Variants in RAPGEF4 observed in about 807,000 individuals in gnomAD.
RAPGEF4 encodes the protein RAP guanine-nucleotide-exchange factor (GEF) 4.
A neutral mutation model predicts 147.9 loss-of-function variants in RAPGEF4; 66 were observed. The observed-to-expected ratio is 0.45, with a 90% CI of 0.37 to 0.55. The LOEUF is 0.55. RAPGEF4 is among the 20% of genes least tolerant of loss of function. The probability of loss-of-function intolerance (pLI) is 0.00; values close to 1 mark genes in which losing one functional copy is unlikely to be tolerated. For missense variants in RAPGEF4, 1,071 were observed against 1,257.3 expected, an observed-to-expected ratio of 0.85 and a Z score of 2.24; for synonymous variants, 419 against 442.7, an observed-to-expected ratio of 0.95 and a Z score of 0.67.
At chr2:172,744,013 G>A (rs1411930100) in intron 1 of RAPGEF4, 2 of 165,254 alleles carry the variant, frequency 1.2e-5, no homozygotes, top group African/African-American at 4.8e-5. Context: ...ATTGATACTT[G>A]TCTAAAGTTG....
At chr2:172,945,544 T>A (rs763207732) in intron 6 of RAPGEF4, among the ~76,000 whole-genome samples, 84 of 152,124 alleles carry the variant, frequency 5.5e-4, no homozygotes, top group Non-Finnish European at 1.1e-3. Context: ...TTTCAATCAA[T>A]ACAGATAAAT....
intron 4 of RAPGEF4, among the ~76,000 whole-genome samples, chr2:172,830,317 G>A (rs907314255): frequency 6.6e-5 from 10 of 152,160 alleles, no homozygotes; most frequent in African/African-American, 1.2e-4. Context: ...ATACTTTGCC[G>A]AAAGAGTATT....
At chr2:172,991,316 C>G (rs988541792) in intron 15 of RAPGEF4, among the ~76,000 whole-genome samples, 2 of 152,226 alleles carry the variant, frequency 1.3e-5, no homozygotes, top group African/African-American at 4.8e-5. Context: ...CAGGATTTCG[C>G]GTGAAGTGTT....
chr2:172,860,207 C>A (rs1256655771), intron 4 of RAPGEF4: 8 of 985,150 alleles, frequency 8.1e-6, no homozygotes, highest in African/African-American at 1.7e-5. Context: ...CCTGAGTAGT[C>A]CCATCAGTGA....
chr2:172,899,484 G>A (rs1451964605), intron 4 of RAPGEF4, among the ~76,000 whole-genome samples: 1 of 152,306 alleles, frequency 6.6e-6, no homozygotes, highest in South Asian at 2.1e-4. Context: ...GTGTCCTTGG[G>A]CCTCAGGGAA....
chr2:172,876,836 C>T (rs541065109), intron 4 of RAPGEF4, among the ~76,000 whole-genome samples: 67 of 152,218 alleles, frequency 4.4e-4, no homozygotes, highest in Non-Finnish European at 6.5e-4. Context: ...ACCAGCTCCT[C>T]CTTGTATGGT....
intron 4 of RAPGEF4, among the ~76,000 whole-genome samples, chr2:172,896,110 C>A (rs552934985): frequency 2.0e-5 from 3 of 152,104 alleles, no homozygotes; most frequent in Non-Finnish European, 4.4e-5. Context: ...CATGAACTGC[C>A]GAACTTCACA....
intron 4 of RAPGEF4, among the ~76,000 whole-genome samples, chr2:172,895,536 ATTG>A (rs1227353584): frequency 6.6e-6 from 1 of 152,150 alleles, no homozygotes; most frequent in African/African-American, 2.4e-5. Context: ...TTCCTTAGTT[ATTG>A]TTCAAGATTT....
At chr2:172,766,304 C>T (rs2149478536) in intron 1 of RAPGEF4, among the ~76,000 whole-genome samples, 1 of 152,172 alleles carries the variant, frequency 6.6e-6, no homozygotes, top group Non-Finnish European at 1.5e-5. Context: ...GTAATGCTGG[C>T]ATTTTGGGAG....
intron 4 of RAPGEF4, among the ~76,000 whole-genome samples, chr2:172,882,561 T>C (rs1696745002): frequency 6.6e-6 from 1 of 152,160 alleles, no homozygotes; most frequent in African/African-American, 2.4e-5. Flanking sequence ...CTGTGTGTTA[T>C]GAGGGAAGCA....
At position 172,810,389 on chromosome 2, in the gene RAPGEF4, C is replaced by T. The variant is rs192603518; in HGVS notation, c.298-3890C>T. ...CTGTTGTGAGGAATAAATGAGGCATCGTCATTGAGACACTTGGCCAGTGTG... is the reference window on the plus strand; with the variant it reads ...CTGTTGTGAGGAATAAATGAGGCATTGTCATTGAGACACTTGGCCAGTGTG... On this transcript the variant is annotated intron_variant, in intron 3 of 30. Coordinates refer to ENST00000397081, the MANE Select transcript of RAPGEF4 (RefSeq NM_007023.4). Among the ~76,000 whole-genome samples, 23 of 152,320 alleles carry T rather than the reference C, an allele frequency of 1.5e-4. No individual in the cohort carries two copies. The South Asian group carries it at 1.9e-3, about 12-fold the overall frequency.
intron 23 of RAPGEF4, among the ~76,000 whole-genome samples, chr2:173,023,128 G>T (rs144356291): frequency 5.1e-4 from 77 of 152,266 alleles, no homozygotes; most frequent in Non-Finnish European, 1.0e-3. Flanking sequence ...GACACAGAGG[G>T]TGTGGGCACA....
At chr2:172,930,244 T>A (rs1377029299) in intron 6 of RAPGEF4, among the ~76,000 whole-genome samples, 2 of 152,170 alleles carry the variant, frequency 1.3e-5, no homozygotes, top group African/African-American at 2.4e-5. Flanking sequence ...TTTCTAAGGA[T>A]CCCTTTCAAA....
chr2:173,048,368 G>A (rs1685764313), intron 29 of RAPGEF4: 1 of 866,310 alleles, frequency 1.2e-6, no homozygotes, highest in Non-Finnish European at 1.6e-6. Flanking sequence ...CAACAATTAT[G>A]AGAGTTATGC....
At chr2:172,820,558 G>A (rs1688964282) in intron 4 of RAPGEF4, among the ~76,000 whole-genome samples, 1 of 152,152 alleles carries the variant, frequency 6.6e-6, no homozygotes, top group East Asian at 1.9e-4. Flanking sequence ...GTGTCATGGA[G>A]AGCCGTTGCT....
intron 1 of RAPGEF4, among the ~76,000 whole-genome samples, chr2:172,754,860 G>A (rs1293997076): frequency 1.3e-5 from 2 of 152,146 alleles, no homozygotes; most frequent in Non-Finnish European, 2.9e-5. Context: ...GGCTAACACG[G>A]TGAAACCCCA....
chr2:172,915,426 C>T (rs1683956685), intron 4 of RAPGEF4, among the ~76,000 whole-genome samples: 1 of 152,062 alleles, frequency 6.6e-6, no homozygotes, highest in Admixed American at 6.6e-5. Flanking sequence ...TCTGACCAGG[C>T]ATGGTGGCTC....
intron 6 of RAPGEF4, among the ~76,000 whole-genome samples, chr2:172,938,393 A>G (rs535611601): frequency 1.3e-5 from 2 of 152,256 alleles, no homozygotes; most frequent in Non-Finnish European, 2.9e-5. Context: ...GGCTTGTACC[A>G]TCTGCCACCT....
At chr2:172,801,222 G>A (rs1272655318) in intron 3 of RAPGEF4, among the ~76,000 whole-genome samples, 3 of 152,134 alleles carry the variant, frequency 2.0e-5, no homozygotes, top group Non-Finnish European at 2.9e-5. Flanking sequence ...CTTCTGCTGG[G>A]CGCACTCATG....
Sources: gnomAD v4.1 joint callset for allele counts (sites outside exome capture counted in the v4.1 genomes callset) on GRCh38, gnomAD v4.1.1 for gene constraint, MANE v1.5 for transcripts, NCBI Gene and HGNC (gene_info 2026-07-23, HGNC 2026-07-21) for gene names.